PPARGC1A: variants seen among roughly 807,000 people sequenced by gnomAD.
PPARGC1A encodes the protein PPARG coactivator 1 alpha, also known as peroxisome proliferator-activated receptor gamma coactivator 1-alpha.
A neutral mutation model predicts 88.7 loss-of-function variants in PPARGC1A; 25 were observed. The observed-to-expected ratio is 0.28, with a 90% CI of 0.21 to 0.39. PPARGC1A has a LOEUF of 0.39. Among genes scored for constraint, PPARGC1A ranks in the 10% least tolerant of loss-of-function variants. PPARGC1A has a pLI of 1.00. For missense variants in PPARGC1A, 880 were observed against 968.7 expected (o/e 0.91, Z 1.22); for synonymous variants, 363 against 355.6 (o/e 1.02, Z -0.24).
At chr4:24,167,527 G>A in the PPARGC1A span, among the ~76,000 whole-genome samples, 1 of 152,170 alleles carries the variant, frequency 6.6e-6, no homozygotes, top group South Asian at 2.1e-4. Flanking sequence ...GGCATTACAT[G>A]CTACAGAGAA....
the PPARGC1A span, among the ~76,000 whole-genome samples, chr4:24,123,919 A>AC: frequency 5.3e-5 from 8 of 151,330 alleles, no homozygotes; most frequent in East Asian, 3.9e-4. Flanking sequence ...GCAAAAAAAA[A>AC]AAAAAACAAA....
At chr4:24,377,489 G>A in the PPARGC1A span, among the ~76,000 whole-genome samples, 4 of 151,986 alleles carry the variant, frequency 2.6e-5, no homozygotes, top group Admixed American at 1.3e-4. Context: ...CTCCAACTAC[G>A]GTGTGTCAGT....
the PPARGC1A span, among the ~76,000 whole-genome samples, chr4:24,233,440 GT>G: frequency 2.6e-5 from 4 of 151,706 alleles, no homozygotes; most frequent in East Asian, 5.8e-4. Flanking sequence ...CTAAGACACC[GT>G]CCCATTGAAA....
the PPARGC1A span, among the ~76,000 whole-genome samples, chr4:24,430,982 G>A: frequency 6.6e-6 from 1 of 152,038 alleles, no homozygotes; most frequent in South Asian, 2.1e-4. Flanking sequence ...AAAGTAGCCA[G>A]GTGTGGTGGC....
chr4:24,392,759 T>A, the PPARGC1A span, among the ~76,000 whole-genome samples: 2 of 152,070 alleles, frequency 1.3e-5, no homozygotes, highest in Non-Finnish European at 2.9e-5. Context: ...AGAAACAGCA[T>A]CTATCTTTGG....
the PPARGC1A span, among the ~76,000 whole-genome samples, chr4:23,913,695 G>C: frequency 2.6e-5 from 4 of 152,194 alleles, no homozygotes; most frequent in African/African-American, 9.7e-5. Flanking sequence ...GAACAACTCA[G>C]TAAACATGCG....
intron 2 of PPARGC1A, among the ~76,000 whole-genome samples, chr4:23,872,219 A>C (rs1713531634): frequency 6.6e-6 from 1 of 152,180 alleles, no homozygotes; most frequent in African/African-American, 2.4e-5. Context: ...AGCCCCACCA[A>C]GGGCACAGCA....
chr4:24,098,012 A>T, the PPARGC1A span, among the ~76,000 whole-genome samples: 833 of 152,352 alleles, frequency 5.5e-3, 9 homozygotes, highest in African/African-American at 0.019. Flanking sequence ...TACATAATTC[A>T]ATTAAATAAC....
At chr4:24,286,705 G>A in the PPARGC1A span, among the ~76,000 whole-genome samples, 1 of 152,184 alleles carries the variant, frequency 6.6e-6, no homozygotes, top group African/African-American at 2.4e-5. Flanking sequence ...GTTGTCTATT[G>A]CTGTGTAACA....
At chr4:24,170,495 G>A in the PPARGC1A span, among the ~76,000 whole-genome samples, 1 of 152,178 alleles carries the variant, frequency 6.6e-6, no homozygotes, top group Non-Finnish European at 1.5e-5. Flanking sequence ...GCAATGCCAT[G>A]GCAGGGAGGG....
the PPARGC1A span, among the ~76,000 whole-genome samples, chr4:24,448,697 C>T: frequency 3.9e-5 from 6 of 152,160 alleles, no homozygotes; most frequent in Non-Finnish European, 8.8e-5. Flanking sequence ...CCCAGAAGAT[C>T]GAAGGTTAAT....
chr4:23,869,769 G>C (rs919811977), intron 2 of PPARGC1A, among the ~76,000 whole-genome samples: 1 of 152,140 alleles, frequency 6.6e-6, no homozygotes, highest in Non-Finnish European at 1.5e-5. Context: ...CTGGGGTGGT[G>C]GCTTATTTGA....
the PPARGC1A span, among the ~76,000 whole-genome samples, chr4:24,401,010 A>ATTTT: frequency 2.3e-4 from 2 of 8,708 alleles, no homozygotes; most frequent in Non-Finnish European, 2.3e-4. Flanking sequence ...ATATACCTGA[A>ATTTT]TTTTCTTTTT....
chr4:24,316,329 G>C, the PPARGC1A span, among the ~76,000 whole-genome samples: 1 of 152,184 alleles, frequency 6.6e-6, no homozygotes, highest in East Asian at 1.9e-4. Context: ...GCTCAGTATA[G>C]GGTCCACATC....
At chr4:24,471,371 T>C in the PPARGC1A span, among the ~76,000 whole-genome samples, 1 of 151,750 alleles carries the variant, frequency 6.6e-6, no homozygotes, top group Admixed American at 6.6e-5. This position sits in a 1 kb window ranked among gnomAD's most constrained non-coding sequence, Gnocchi z 5.4. Context: ...CGCATACACG[T>C]ACACACATGC....
At chr4:23,863,867 T>C (rs778768229) in intron 2 of PPARGC1A, among the ~76,000 whole-genome samples, 5 of 152,088 alleles carry the variant, frequency 3.3e-5, no homozygotes, top group Non-Finnish European at 7.4e-5. Flanking sequence ...CTGCCTCAGC[T>C]TTCCCAGTAG....
intron 2 of PPARGC1A, 109 bp from the exon 3 acceptor site, chr4:23,831,860 G>A (rs1725068995): frequency 3.5e-6 from 3 of 849,166 alleles, no homozygotes; most frequent in Non-Finnish European, 5.7e-6. Flanking sequence ...AATCTAGAAT[G>A]CCCATTCCAG....
chr4:23,897,605 G>A (rs375016042), intron 1 of PPARGC1A, among the ~76,000 whole-genome samples: 2 of 152,150 alleles, frequency 1.3e-5, no homozygotes, highest in East Asian at 3.8e-4. Flanking sequence ...ATTTCACAAA[G>A]ATACTGGAAA....
chr4:24,461,463 A>G, the PPARGC1A span, among the ~76,000 whole-genome samples: 1 of 152,180 alleles, frequency 6.6e-6, no homozygotes, highest in Non-Finnish European at 1.5e-5. Context: ...GGAAGGGAAA[A>G]AGAGAGAGAA....
Sources: gnomAD v4.1 joint callset for allele counts (sites outside exome capture counted in the v4.1 genomes callset) on GRCh38, gnomAD v4.1.1 for gene constraint, Gnocchi (gnomAD v3.1) non-coding constraint, MANE v1.5 for transcripts, NCBI Gene and HGNC (gene_info 2026-07-23, HGNC 2026-07-21) for gene names.